Variants in INSL5 observed in about 807,000 individuals in gnomAD.
The protein encoded by INSL5 is insulin like 5.
In INSL5, 3 loss-of-function variants were observed where a neutral mutation model predicts 4.3. The observed-to-expected ratio is 0.70, with a 90% CI of 0.32 to 1.82. INSL5 has a LOEUF of 1.82. INSL5 is among the 40% of genes most tolerant of loss of function. The pLI, the probability that INSL5 is intolerant of heterozygous loss-of-function variation, is 0.08. For synonymous variants in INSL5, 68 were observed against 56.6 expected (o/e 1.20, Z -0.90); for missense variants, 168 against 160.9 (o/e 1.04, Z -0.24).
rs371206205 is a variant in INSL5 at position 66,801,239 on chromosome 1, G to A, written c.-18C>T. 5.6e-6 allele frequency: 9 copies of A among 1,594,712 alleles called. No homozygotes were observed. Among genetic ancestry groups the A allele is most frequent in the Non-Finnish European group, 7.7e-6 (9 of 1,165,044 alleles). The stretch of plus-strand genomic sequence containing the variant: ...CCCTTCATTTTGCTGAGGACTGAAT[G>A]TGAATCTGATATGGTAAATATAGTC... On this transcript the variant is annotated 5_prime_UTR_variant, in exon 1 of 2. Transcript: ENST00000304526.
chr1:66,798,272 A>T (rs1645355361), intron 1 of INSL5, 27 bp from the exon 2 acceptor site: 2 of 1,496,842 alleles, frequency 1.3e-6, no homozygotes, highest in Admixed American at 1.7e-5. Flanking sequence ...AAAATAATAC[A>T]TCCTTAGACA....
At position 66,798,140 on chromosome 1, in the gene INSL5, C is replaced by T. The variant is rs1557881624; in HGVS notation, c.281G>A (p.Trp94Ter). 2 of 1,614,104 alleles carry T rather than the reference C, an allele frequency of 1.2e-6. No individual in the cohort carries two copies. The highest frequency in any genetic ancestry group is 1.1e-5 in the South Asian group (1 of 91,090). ...KVDASGEDRL[W>*]GGQMPTEELW... Reference sequence around the variant, plus strand: ...CTCTTCAGTGGGCATCTGTCCACCCCAAAGACGGTCTTCCCCTGAGGCATC... The same window carrying T: ...CTCTTCAGTGGGCATCTGTCCACCCTAAAGACGGTCTTCCCCTGAGGCATC... The change falls in exon 2 of 2, where the codon TGG becomes TAG. Residue 94 changes from tryptophan to a stop codon, truncating the protein, a stop_gained. Coordinates refer to ENST00000304526, the MANE Select transcript of INSL5 (RefSeq NM_005478.6). LOFTEE classifies it low-confidence loss of function (END_TRUNC).
chr1:66,800,526 T>G (rs1645368324), intron 1 of INSL5, among the ~76,000 whole-genome samples: 2 of 152,132 alleles, frequency 1.3e-5, no homozygotes, highest in South Asian at 4.1e-4. Context: ...CTTGGTAAAA[T>G]GATAAATGGT....
At position 66,798,182 on chromosome 1, in the gene INSL5, T is replaced by C. The variant is rs529115406; in HGVS notation, c.239A>G (p.Gln80Arg). Residue 80 changes from glutamine (Q) to arginine (R), a missense_variant, in exon 2 of 2, where the codon CAA becomes CGA. Transcript: ENST00000304526. ...TGAGGCATCCACCTTCGGAAGGTTT[T>C]GCGCTGGATTTTCCTCAGAAAACTC... ...KREFSEENPA[Q>R]NLPKVDASGE... 6.2e-6 allele frequency: 10 copies of C among 1,614,186 alleles called. No individual in the cohort carries two copies. Among genetic ancestry groups the C allele is most frequent in the Middle Eastern group, 1.7e-4 (1 of 6,060 alleles).
Position 66,798,222 on chromosome 1 carries a change from G to C in INSL5, c.199C>G (p.Leu67Val). ...TCAGAAAACTCACGTTTATGTGGGA[G>C]CTGGAAGGAGTTTCCTGTCTCAGCT... ...QQAETGNSFQ[L>V]PHKREFSEEN... Residue 67 changes from leucine (L) to valine (V), a missense_variant, in exon 2 of 2, where the codon CTC (leucine) becomes GTC (valine). Transcript: ENST00000304526. 6.2e-7 allele frequency: 1 copy of C among 1,613,996 alleles called. No homozygotes were observed. Among genetic ancestry groups the C allele is most frequent in the South Asian group, 1.1e-5 (1 of 91,084 alleles).
At chr1:66,800,889 T>G (rs1645371588) in intron 1 of INSL5, among the ~76,000 whole-genome samples, 158 bp downstream of exon 1, 1 of 152,184 alleles carries the variant, frequency 6.6e-6, no homozygotes, top group African/African-American at 2.4e-5. Flanking sequence ...CCAAGCCAAA[T>G]TCAGTATATT....
intron 1 of INSL5, among the ~76,000 whole-genome samples, chr1:66,798,969 T>A (rs941867867): frequency 2.0e-5 from 3 of 152,206 alleles, no homozygotes; most frequent in African/African-American, 7.2e-5. Flanking sequence ...TTCAGAGATA[T>A]CCCAAATGTA....
intron 1 of INSL5, 151 bp from the exon 2 acceptor site, chr1:66,798,396 A>G: frequency 3.2e-6 from 2 of 629,056 alleles, no homozygotes; most frequent in South Asian, 4.0e-5. Flanking sequence ...GGTTTCAGAG[A>G]GATTAGACAT....
intron 1 of INSL5, among the ~76,000 whole-genome samples, chr1:66,799,565 T>G (rs141161518): frequency 6.6e-5 from 10 of 152,222 alleles, no homozygotes; most frequent in Non-Finnish European, 1.2e-4. Context: ...ATGCATTGTA[T>G]TCCTGAAATT....
At chr1:66,799,155 C>T (rs1428655396) in intron 1 of INSL5, among the ~76,000 whole-genome samples, 1 of 152,112 alleles carries the variant, frequency 6.6e-6, no homozygotes, top group Non-Finnish European at 1.5e-5. Context: ...CACATTAGCC[C>T]ACCCAAAGAT....
At chr1:66,798,780 C>G (rs1645357606) in intron 1 of INSL5, among the ~76,000 whole-genome samples, 6 of 152,138 alleles carry the variant, frequency 3.9e-5, no homozygotes, top group Admixed American at 1.3e-4. Flanking sequence ...CTTAGCACAC[C>G]AGCAGGCACC....
Position 66,798,157 on chromosome 1 carries a change from T to C in INSL5, c.264A>G (p.Ser88=). ...PAQNLPKVDA[S]GEDRLWGGQM... is the part of the protein sequence containing the mutation. ...GTCCACCCCAAAGACGGTCTTCCCC[T>C]GAGGCATCCACCTTCGGAAGGTTTT... The change falls in exon 2 of 2, where the codon TCA becomes TCG. Residue 88 remains serine (S), a synonymous_variant. Transcript: ENST00000304526. The C allele has an allele frequency of 2.5e-6, 4 of 1,614,144 alleles. No homozygotes were observed. Among genetic ancestry groups the C allele is most frequent in the Non-Finnish European group, 3.4e-6 (4 of 1,180,010 alleles).
At chr1:66,799,429 A>G (rs1192050369) in intron 1 of INSL5, among the ~76,000 whole-genome samples, 1 of 152,128 alleles carries the variant, frequency 6.6e-6, no homozygotes, top group African/African-American at 2.4e-5. Context: ...GCGGAGAACG[A>G]TGGTTATCAG....
chr1:66,799,557 G>A (rs1455768350), intron 1 of INSL5, among the ~76,000 whole-genome samples: 1 of 152,244 alleles, frequency 6.6e-6, no homozygotes, highest in African/African-American at 2.4e-5. Context: ...TAATAAAAAT[G>A]CATTGTATTC....
chr1:66,797,846 G>C lies in INSL5; in HGVS notation c.*167C>G, dbSNP rs1645352411. 1.7e-6 allele frequency: 1 copy of C among 574,852 alleles called. No homozygotes were observed. Among genetic ancestry groups the C allele is most frequent in the South Asian group, 2.3e-5 (1 of 43,566 alleles). 35.6% of individuals were successfully genotyped at this position (574,852 alleles called of 1,614,324 possible). A position where few individuals can be genotyped will look rare whatever the true frequency, so the allele number is the denominator to read the frequency against. On this transcript the variant is annotated 3_prime_UTR_variant, in exon 2 of 2. Coordinates refer to ENST00000304526, the MANE Select transcript of INSL5 (RefSeq NM_005478.6). The stretch of plus-strand genomic sequence containing the variant: ...TTAACCTTGGCAAAGGGAGAAAATA[G>C]AGATCACTGTGGTTTCAACCGCTCA...
chr1:66,801,005 CAT>C lies in INSL5; in HGVS notation c.175+40_175+41del, dbSNP rs562851112. 3.3e-4 allele frequency: 462 copies of C among 1,416,004 alleles called. 2 individuals carry two copies. The highest frequency in any genetic ancestry group is 1.0e-4 in the Non-Finnish European group (107 of 1,030,570). The allele number at this position is 1,416,004 out of a possible 1,614,324, so 87.7% of individuals were successfully genotyped here. Reference sequence around the variant, plus strand: ...ACACAGCTTGAAAAAATAAAAGAGACATGTGAAAGGAAAATAGAGGAGACACA... The same window carrying C: ...ACACAGCTTGAAAAAATAAAAGAGACGTGAAAGGAAAATAGAGGAGACACA... On this transcript the variant is annotated intron_variant, in intron 1 of 1. Transcript: ENST00000304526.
rs1444733574 is a variant in INSL5, at chr1:66,798,096, G to A, written c.325C>T (p.His109Tyr). The A allele has an allele frequency of 4.3e-6, 7 of 1,613,978 alleles. No individual in the cohort carries two copies. The highest frequency in any genetic ancestry group is 1.3e-5 in the African/African-American group (1 of 74,924). Residue 109 changes from histidine (H) to tyrosine (Y), a missense_variant, in exon 2 of 2, where the codon CAT becomes TAT. His to Tyr is a moderately conservative substitution (Grantham distance 83, BLOSUM62 2). Transcript: ENST00000304526. ...PTEELWKSKK[H>Y]SVMSRQDLQT... is the part of the protein sequence containing the mutation. ...AAATCTTGTCTTGACATCACTGAAT[G>A]CTTCTTTGACTTCCAAAGCTCTTCA... is the stretch of plus-strand genomic sequence containing the variant.
At chr1:66,799,116 C>A (rs891783785) in intron 1 of INSL5, among the ~76,000 whole-genome samples, 1 of 152,120 alleles carries the variant, frequency 6.6e-6, no homozygotes, top group Non-Finnish European at 1.5e-5. Flanking sequence ...TAAAGTGGTA[C>A]TGAAAATGGA....
chr1:66,798,739 TTTAA>T (rs2100237790), intron 1 of INSL5, among the ~76,000 whole-genome samples: 1 of 152,362 alleles, frequency 6.6e-6, no homozygotes, highest in African/African-American at 2.4e-5. Flanking sequence ...CTTCTCTCAC[TTTAA>T]TTTAGTTCAA....
Sources: gnomAD v4.1 joint callset for allele counts (sites outside exome capture counted in the v4.1 genomes callset) on GRCh38, gnomAD v4.1.1 for gene constraint, MANE v1.5 for transcripts, NCBI Gene and HGNC (gene_info 2026-07-23, HGNC 2026-07-21) for gene names.